The following STX17 variants were observed in gnomAD, a reference collection of about 807,000 sequenced individuals.
STX17 encodes the protein syntaxin 17, also known as syntaxin-17.
A neutral mutation model predicts 35.9 loss-of-function variants in STX17; 29 were observed. That is an observed-to-expected ratio of 0.81 (90% CI 0.60 to 1.10). STX17 has a LOEUF of 1.10. Among genes scored for constraint, STX17 ranks in the 50% least tolerant of loss-of-function variants. STX17 has a pLI of 0.00. For synonymous variants in STX17, 92 were observed against 118.3 expected, an observed-to-expected ratio of 0.78 and a Z score of 1.44; for missense variants, 312 against 352.3, an observed-to-expected ratio of 0.89 and a Z score of 0.92.
rs1271623208 is a variant in STX17, at chr9:99,928,697, G to C, written c.124-81G>C. On this transcript the variant is annotated intron_variant, in intron 2 of 7. Transcript: ENST00000259400. ...AGATAGTATGTTTAAGTTTGGGTGG[G>C]TGAGTGGGGATTTTTGTGGTAATGG... 5 of 1,212,376 alleles carry C rather than the reference G, an allele frequency of 4.1e-6. No homozygotes were observed. The East Asian group carries it at 9.5e-5, about 23-fold the overall frequency. 75.1% of individuals were successfully genotyped at this position (1,212,376 alleles called of 1,614,324 possible).
chr9:99,932,842 C>T (rs1424337611), intron 3 of STX17, among the ~76,000 whole-genome samples: 1 of 152,074 alleles, frequency 6.6e-6, no homozygotes, highest in Admixed American at 6.5e-5. Flanking sequence ...GGACAAATAA[C>T]CTCATCAACA....
chr9:99,911,616 C>T lies in STX17; in HGVS notation c.-62-3562C>T, dbSNP rs796442635. On this transcript the variant is annotated intron_variant, in intron 1 of 7. Coordinates refer to ENST00000259400, the MANE Select transcript of STX17 (RefSeq NM_017919.3). ...TTTCTTTTTTTGAGACAGGATCTCA[C>T]TGTGTTGCCTAGGCTGTAGTGTAGT... Among the ~76,000 whole-genome samples the T allele has an allele frequency of 6.6e-5, 10 of 152,238 alleles. 1 individual carries two copies. The highest frequency in any genetic ancestry group is 1.7e-4 in the African/African-American group (7 of 41,538).
At chr9:99,929,910 C>CTTTTTTTTT (rs528774463) in intron 3 of STX17, 13 of 118,356 alleles carry the variant, frequency 1.1e-4, no homozygotes, top group East Asian at 2.4e-4. Context: ...TTTTTCTTTT[C>CTTTTTTTTT]TTTTTTTTTT....
chr9:99,940,404 G>A (rs1408659121), intron 3 of STX17, among the ~76,000 whole-genome samples: 1 of 151,160 alleles, frequency 6.6e-6, no homozygotes, highest in Non-Finnish European at 1.5e-5. Context: ...GGTGCTGGGA[G>A]TACAGGTGTG....
At chr9:99,946,693 T>C (rs1434726227) in intron 3 of STX17, among the ~76,000 whole-genome samples, 1 of 152,230 alleles carries the variant, frequency 6.6e-6, no homozygotes, top group Non-Finnish European at 1.5e-5. Context: ...CTCTCAGCTT[T>C]TGTTTGTCTA....
chr9:99,960,074 A>G (rs749680730), intron 5 of STX17, 31 bp from the exon 6 acceptor site: 19 of 1,611,218 alleles, frequency 1.2e-5, no homozygotes, highest in Non-Finnish European at 3.4e-6. Context: ...TGTGAGGCAT[A>G]AAAGTAACTT....
chr9:99,966,255 G>T (rs1171457457), intron 6 of STX17, among the ~76,000 whole-genome samples: 2 of 152,138 alleles, frequency 1.3e-5, no homozygotes, highest in African/African-American at 2.4e-5. Context: ...AACTGATAAG[G>T]GACTTTCTTA....
intron 2 of STX17, among the ~76,000 whole-genome samples, chr9:99,928,170 A>G (rs1490279567): frequency 6.6e-6 from 1 of 152,150 alleles, no homozygotes; most frequent in Non-Finnish European, 1.5e-5. Flanking sequence ...CTGCTATAAT[A>G]TCACATATTC....
At chr9:99,965,611 A>G (rs1247871936) in intron 6 of STX17, among the ~76,000 whole-genome samples, 1 of 152,200 alleles carries the variant, frequency 6.6e-6, no homozygotes, top group Admixed American at 6.5e-5. Context: ...GACAAGTTGT[A>G]TATTATTAGT....
chr9:99,968,399 T>C (rs747555693), intron 7 of STX17, 35 bp from the exon 8 acceptor site: 4 of 1,519,456 alleles, frequency 2.6e-6, no homozygotes, highest in Non-Finnish European at 2.6e-6. Context: ...TATTCTCAAC[T>C]CAGTTTCTAA....
At chr9:99,929,913 T>TTC (rs1829078901) in intron 3 of STX17, 2 of 137,300 alleles carry the variant, frequency 1.5e-5, no homozygotes, top group Admixed American at 1.4e-4. Flanking sequence ...TTCTTTTCTT[T>TTC]TTTTTTTTTT....
intron 2 of STX17, among the ~76,000 whole-genome samples, chr9:99,916,662 T>C (rs1828781459): frequency 6.6e-6 from 1 of 152,168 alleles, no homozygotes; most frequent in South Asian, 2.1e-4. Flanking sequence ...AAAAGTTTAA[T>C]GCGAATATTT....
intron 3 of STX17, among the ~76,000 whole-genome samples, chr9:99,936,987 G>A (rs1028731393): frequency 6.6e-5 from 10 of 151,992 alleles, no homozygotes; most frequent in Non-Finnish European, 1.3e-4. Context: ...TTGAGTTTTT[G>A]TATATCTGAA....
chr9:99,917,941 A>C (rs988255878), intron 2 of STX17, among the ~76,000 whole-genome samples: 1 of 152,154 alleles, frequency 6.6e-6, no homozygotes, highest in African/African-American at 2.4e-5. Context: ...TCTGGGGTAC[A>C]GTGGCTGCTC....
intron 2 of STX17, among the ~76,000 whole-genome samples, chr9:99,928,067 C>T (rs1829025776): frequency 6.6e-6 from 1 of 152,104 alleles, no homozygotes; most frequent in African/African-American, 2.4e-5. Context: ...TAACTATTCA[C>T]ATCTGCTAAC....
intron 4 of STX17, among the ~76,000 whole-genome samples, chr9:99,953,811 GTATTTTAA>G (rs1460928873): frequency 2.6e-5 from 4 of 151,998 alleles, no homozygotes; most frequent in Admixed American, 2.6e-4. Context: ...TTTTCTCACA[GTATTTTAA>G]TATCCTAATA....
In STX17 at chr9:99,927,948, A is replaced by G. The variant is rs150292544; in HGVS notation, c.124-830A>G. ...TTTTTTTTAATGCTCTACTCTTATAATGTATGTTTTCTATGCATATATGAG... is the reference window on the plus strand; with the variant it reads ...TTTTTTTTAATGCTCTACTCTTATAGTGTATGTTTTCTATGCATATATGAG... On this transcript the variant is annotated intron_variant, in intron 2 of 7. Transcript: ENST00000259400. Among the ~76,000 whole-genome samples, 389 of 152,238 alleles carry G rather than the reference A, an allele frequency of 2.6e-3. 3 individuals are homozygous for G. Among genetic ancestry groups the G allele is most frequent in the African/African-American group, 9.0e-3 (375 of 41,534 alleles).
At chr9:99,932,049 C>G (rs1280377953) in intron 3 of STX17, among the ~76,000 whole-genome samples, 1 of 152,094 alleles carries the variant, frequency 6.6e-6, no homozygotes, top group Admixed American at 6.6e-5. Context: ...AAGAAGAATT[C>G]TCATTTTCCC....
rs1044787261 is a variant in STX17 at position 99,969,721 on chromosome 9, G to A, written c.*1048G>A. On this transcript the variant is annotated 3_prime_UTR_variant, in exon 8 of 8. Coordinates refer to ENST00000259400, the MANE Select transcript of STX17 (RefSeq NM_017919.3). ...AGTCTTCTTTTCAGCTGGTCTCTGG[G>A]GGGAGCTGAGAACTCGCTTGCTACC... 1 of 152,222 alleles carries A rather than the reference G, an allele frequency of 6.6e-6. No homozygotes were observed. The highest frequency in any genetic ancestry group is 2.4e-5 in the African/African-American group (1 of 41,288). The allele number at this position is 152,222 out of a possible 1,614,324, so 9.4% of individuals were successfully genotyped here.
Sources: gnomAD v4.1 joint callset for allele counts (sites outside exome capture counted in the v4.1 genomes callset) on GRCh38, gnomAD v4.1.1 for gene constraint, MANE v1.5 for transcripts, NCBI Gene and HGNC (gene_info 2026-07-23, HGNC 2026-07-21) for gene names.